The following PTPRS variants were observed in gnomAD, a reference collection of about 807,000 sequenced individuals.
PTPRS encodes the protein protein tyrosine phosphatase receptor type S.
A neutral mutation model predicts 215.3 loss-of-function variants in PTPRS; 63 were observed. That is an observed-to-expected ratio of 0.29 (90% CI 0.24 to 0.36). The LOEUF is 0.36. Among genes scored for constraint, PTPRS ranks in the 10% least tolerant of loss-of-function variants. PTPRS has a pLI of 1.00. For missense variants in PTPRS, 2,258 were observed against 2,825.8 expected (o/e 0.80, Z 4.56); for synonymous variants, 1,404 against 1,191.4 (o/e 1.18, Z -3.68).
chr19:5,319,771 G>A (rs566267851), intron 1 of PTPRS, among the ~76,000 whole-genome samples: 44 of 151,872 alleles, frequency 2.9e-4, no homozygotes, highest in Non-Finnish European at 5.0e-4. Context: ...CTTCCCCCAC[G>A]TTATCTGCTT....
intron 1 of PTPRS, among the ~76,000 whole-genome samples, chr19:5,288,800 C>T (rs4807708): frequency 9.2e-5 from 14 of 152,146 alleles, no homozygotes; most frequent in African/African-American, 3.4e-4. Flanking sequence ...CCACATCCCA[C>T]GAGGACCTCA....
intron 16 of PTPRS, among the ~76,000 whole-genome samples, chr19:5,227,122 C>T (rs1403427049): frequency 1.3e-5 from 2 of 151,826 alleles, no homozygotes; most frequent in African/African-American, 4.8e-5. Flanking sequence ...TCATAGCTCA[C>T]TGCAGCCTTG....
At chr19:5,207,643 G>C (rs2040485878) in intron 37 of PTPRS, among the ~76,000 whole-genome samples, 1 of 152,238 alleles carries the variant, frequency 6.6e-6, no homozygotes, top group Non-Finnish European at 1.5e-5. Flanking sequence ...GTTCTTGGCA[G>C]GGTCCAGGCT....
intron 2 of PTPRS, among the ~76,000 whole-genome samples, chr19:5,278,631 C>T (rs111759286): frequency 7.9e-5 from 12 of 151,786 alleles, no homozygotes; most frequent in Non-Finnish European, 1.0e-4. Flanking sequence ...GCACACATCA[C>T]GCCCGGCTAA....
chr19:5,215,311 A>C lies in PTPRS; in HGVS notation c.4296T>G (p.Arg1432=). The C allele has an allele frequency of 1.2e-6, 2 of 1,614,120 alleles. No individual in the cohort carries two copies. Among genetic ancestry groups the C allele is most frequent in the Non-Finnish European group, 1.7e-6 (2 of 1,179,992 alleles). Residue 1432 remains arginine, a synonymous_variant, in exon 28 of 38, where the codon CGT becomes CGG. Coordinates refer to ENST00000262963, the MANE Select transcript of PTPRS (RefSeq NM_002850.4). ...TACCTTCAATGGGCTGGAGGATGACACGGGAGTGGTCATAGGCGATGACGT... is the reference window on the plus strand; with the variant it reads ...TACCTTCAATGGGCTGGAGGATGACCCGGGAGTGGTCATAGGCGATGACGT... ...YANVIAYDHS[R]VILQPIEGIM... is the part of the protein sequence containing the mutation.
intron 20 of PTPRS, among the ~76,000 whole-genome samples, chr19:5,220,600 C>T (rs2041894865): frequency 6.6e-6 from 1 of 152,206 alleles, no homozygotes; most frequent in Admixed American, 6.5e-5. Flanking sequence ...TCCTATACAT[C>T]CTTCAAAGCT....
chr19:5,310,795 T>TG, intron 1 of PTPRS, among the ~76,000 whole-genome samples: 1 of 152,150 alleles, frequency 6.6e-6, no homozygotes, highest in African/African-American at 2.4e-5. Context: ...AGCCTTGAAC[T>TG]CCTCAGCTCA....
chr19:5,229,936 G>A (rs2145633512), intron 14 of PTPRS, among the ~76,000 whole-genome samples: 1 of 150,214 alleles, frequency 6.7e-6, no homozygotes, highest in African/African-American at 2.4e-5. Context: ...ACCTTCCCAG[G>A]GCCTCCAGAC....
chr19:5,221,037 C>T lies in PTPRS; in HGVS notation c.3418G>A (p.Val1140Met). 2 of 1,613,442 alleles carry T rather than the reference C, an allele frequency of 1.2e-6. No individual in the cohort carries two copies. The highest frequency in any genetic ancestry group is 2.2e-5 in the East Asian group (1 of 44,874). Residue 1140 changes from valine (V) to methionine (M), a missense_variant, in exon 20 of 38, where the codon GTG becomes ATG. Val to Met is a conservative substitution (Grantham distance 21). Around this residue, in one of 6 missense-constraint regions of PTPRS, gnomAD observed 927 missense variants for 1,125.9 expected, o/e 0.82. Coordinates refer to ENST00000262963, the MANE Select transcript of PTPRS (RefSeq NM_002850.4). ...GGGCTCTGGCCGTCAGGAAGATACACCATGATGAAGCCGTCAGCATCAGGC... is the reference window on the plus strand; with the variant it reads ...GGGCTCTGGCCGTCAGGAAGATACATCATGATGAAGCCGTCAGCATCAGGC... Reference protein sequence around the residue: ...PKPDADGFIMVYLPDGQSPVP... With the variant: ...PKPDADGFIMMYLPDGQSPVP...
chr19:5,211,594 A>G lies in PTPRS; in HGVS notation c.5230T>C (p.Tyr1744His). ...TGGGAAAGGCATGGCACCTACCTGT[A>G]GCCATCAATGAAGCTGGCGTTGATG... ...DYINASFIDG[Y>H]RQQKAYIATQ... Residue 1744 changes from tyrosine to histidine, a missense_variant, in exon 33 of 38, where the codon TAC becomes CAC. Tyr to His is a moderately conservative substitution (Grantham distance 83). Transcript: ENST00000262963. 1 of 1,607,422 alleles carries G rather than the reference A, an allele frequency of 6.2e-7. No individual in the cohort carries two copies.
At chr19:5,233,820 C>T (rs1219141862) in intron 13 of PTPRS, among the ~76,000 whole-genome samples, 3 of 151,194 alleles carry the variant, frequency 2.0e-5, no homozygotes, top group Non-Finnish European at 2.9e-5. Context: ...GTGGCGGGAG[C>T]CTGTAATCCC....
intron 1 of PTPRS, among the ~76,000 whole-genome samples, chr19:5,332,040 T>C (rs2050343720): frequency 6.6e-6 from 1 of 152,000 alleles, no homozygotes; most frequent in South Asian, 2.1e-4. Context: ...CTTTTAATTG[T>C]TGGGGAAGGG....
rs755685016 is a variant in PTPRS, at chr19:5,215,632, T to C, written c.4097-37A>G. 5.4e-6 allele frequency: 8 copies of C among 1,486,100 alleles called. 1 individual carries two copies. In the Admixed American group the frequency reaches 5.6e-5, roughly 10 times the overall value. The allele number at this position is 1,486,100 out of a possible 1,614,324, so 92.1% of individuals were successfully genotyped here. ...AGCAGACCCCGCCGGGGTTGGTCACTTGGGGGGCCAGCCGGGGACTCGGGG... is the reference window on the plus strand; with the variant it reads ...AGCAGACCCCGCCGGGGTTGGTCACCTGGGGGGCCAGCCGGGGACTCGGGG... On this transcript the variant is annotated intron_variant, in intron 26 of 37. Coordinates refer to ENST00000262963, the MANE Select transcript of PTPRS (RefSeq NM_002850.4).
At position 5,210,763 on chromosome 19, in the gene PTPRS, C is replaced by T; in HGVS notation, c.5277G>A (p.Glu1759=). 6.2e-7 allele frequency: 1 copy of T among 1,614,178 alleles called. No homozygotes were observed. Among genetic ancestry groups the T allele is most frequent in the African/African-American group, 1.3e-5 (1 of 75,074 alleles). ...GCATGCGCCAGAAGTCTTCCGTGGTCTCCGCCAGCGGCCCCTGTGTCGCGA... is the reference window on the plus strand; with the variant it reads ...GCATGCGCCAGAAGTCTTCCGTGGTTTCCGCCAGCGGCCCCTGTGTCGCGA... The part of the protein sequence containing the change: ...AYIATQGPLA[E]TTEDFWRMLW... The change falls in exon 34 of 38, where the codon GAG becomes GAA. Residue 1759 remains glutamate (E), a synonymous_variant. Transcript: ENST00000262963. The surrounding 1 kb of genome is among the most constrained non-coding windows in gnomAD (Gnocchi z 4.5).
At chr19:5,267,479 A>G (rs1370656273) in intron 4 of PTPRS, among the ~76,000 whole-genome samples, 1 of 152,070 alleles carries the variant, frequency 6.6e-6, no homozygotes, top group Non-Finnish European at 1.5e-5. Flanking sequence ...CAACATGGTG[A>G]AACCCCGTCT....
chr19:5,243,836 A>T, intron 11 of PTPRS, 65 bp downstream of exon 11: 1 of 1,326,780 alleles, frequency 7.5e-7, no homozygotes, highest in Non-Finnish European at 1.0e-6. Context: ...TGCGGCTTCC[A>T]GGGAGCATGC....
chr19:5,291,468 G>C (rs891406743), intron 1 of PTPRS, among the ~76,000 whole-genome samples: 2 of 151,930 alleles, frequency 1.3e-5, no homozygotes, highest in Non-Finnish European at 2.9e-5. Flanking sequence ...TGGCTTCATG[G>C]AACAACTTGA....
chr19:5,286,774 C>T (rs763732082), intron 1 of PTPRS, among the ~76,000 whole-genome samples: 57 of 152,046 alleles, frequency 3.7e-4, no homozygotes, highest in African/African-American at 1.4e-3. Flanking sequence ...AGCCTCCAAC[C>T]ACCAGCTAAA....
chr19:5,303,506 T>C (rs915869844), intron 1 of PTPRS, among the ~76,000 whole-genome samples: 10 of 151,520 alleles, frequency 6.6e-5, no homozygotes, highest in Non-Finnish European at 8.8e-5. Flanking sequence ...CAGATGGGGA[T>C]AGAGGACAGG....
Sources: allele counts gnomAD v4.1 joint callset (sites outside exome capture counted in the v4.1 genomes callset), GRCh38; gene constraint gnomAD v4.1.1; regional missense constraint gnomAD v4.1.1; non-coding constraint Gnocchi (gnomAD v3.1); transcripts MANE v1.5; gene names NCBI Gene and HGNC (gene_info 2026-07-23, HGNC 2026-07-21).